Variants in SGIP1 observed in about 807,000 individuals in gnomAD.
SGIP1 encodes SH3-containing GRB2-like protein 3-interacting protein 1.
Under a neutral mutation model 107.5 loss-of-function variants are expected in SGIP1, and 38 were observed. That is an observed-to-expected ratio of 0.35 (90% confidence interval 0.27 to 0.46). The LOEUF (loss-of-function observed/expected upper bound fraction) is 0.46. Among genes scored for constraint, SGIP1 ranks in the 20% least tolerant of loss-of-function variants. The pLI is 1.00. For synonymous variants in SGIP1, 365 were observed against 366.1 expected (o/e 1.00, Z 0.03); for missense variants, 929 against 1,019.5 (o/e 0.91, Z 1.21).
chr1:66,534,063 T>C (rs1003834682), upstream of SGIP1: 5 of 508,576 alleles, frequency 9.8e-6, no homozygotes, highest in Non-Finnish European at 1.8e-5. Context: ...CTGGCTACCA[T>C]GTGACGCGGT....
At chr1:66,698,938 C>T (rs1015968324) in intron 18 of SGIP1, among the ~76,000 whole-genome samples, 14 of 151,542 alleles carry the variant, frequency 9.2e-5, no homozygotes, top group Non-Finnish European at 1.8e-4. Flanking sequence ...AATCTGCTAC[C>T]TTAAGTACTT....
chr1:66,738,889 C>T (rs770957270), intron 21 of SGIP1, among the ~76,000 whole-genome samples: 216 of 152,300 alleles, frequency 1.4e-3, no homozygotes, highest in Middle Eastern at 6.8e-3. Context: ...AAAACACCTC[C>T]TTCAATCTTC....
chr1:66,654,604 A>G (rs1272284239), intron 7 of SGIP1, among the ~76,000 whole-genome samples: 3 of 152,200 alleles, frequency 2.0e-5, no homozygotes, highest in African/African-American at 7.2e-5. Context: ...GCAGCAGTCT[A>G]CAGCAGTAAA....
intron 7 of SGIP1, among the ~76,000 whole-genome samples, chr1:66,657,629 T>C (rs1239457879): frequency 1.3e-5 from 2 of 152,160 alleles, no homozygotes; most frequent in Non-Finnish European, 2.9e-5. Flanking sequence ...TAAGGGTCTA[T>C]GAGTTCCTTG....
intron 5 of SGIP1, 91 bp downstream of exon 5, chr1:66,639,924 G>A (rs994243038): frequency 9.0e-5 from 91 of 1,007,432 alleles, no homozygotes; most frequent in South Asian, 7.5e-4. Context: ...AGAAATAAGC[G>A]AAATGCTCTC....
rs41305642 is a variant in SGIP1, at chr1:66,679,866, T to G, written c.814+114T>G. 0.01 allele frequency: 9,856 copies of G among 967,408 alleles called. 70 individuals carry two copies. Among genetic ancestry groups the G allele is most frequent in the Middle Eastern group, 0.013 (61 of 4,560 alleles). 59.9% of individuals were successfully genotyped at this position (967,408 alleles called of 1,614,324 possible). On this transcript the variant is annotated intron_variant, in intron 14 of 24. Transcript: ENST00000371037. ...AGGCTACACAAAAACATCACAATGT[T>G]GGCATTCAGTTTTGCTTTCATTAGA...
intron 1 of SGIP1, among the ~76,000 whole-genome samples, chr1:66,623,642 TAA>T (rs1267251452): frequency 3.3e-5 from 5 of 152,222 alleles, no homozygotes; most frequent in Non-Finnish European, 7.3e-5. Flanking sequence ...ATTCTATGTA[TAA>T]GTGTATTTCA....
intron 1 of SGIP1, among the ~76,000 whole-genome samples, chr1:66,541,942 GAT>G (rs1474924879): frequency 6.6e-6 from 1 of 152,138 alleles, no homozygotes; most frequent in Non-Finnish European, 1.5e-5. Flanking sequence ...TCTAGTATAT[GAT>G]ACCACATTAG....
intron 24 of SGIP1, 134 bp from the exon 25 acceptor site, chr1:66,742,939 A>T: frequency 1.2e-6 from 1 of 804,056 alleles, no homozygotes; most frequent in Non-Finnish European, 2.0e-6. Flanking sequence ...TGTATCTTTT[A>T]TTCGTATTGT....
At chr1:66,533,872 G>A (rs925612126), upstream of SGIP1, among the ~76,000 whole-genome samples, 1 of 152,068 alleles carries the variant, frequency 6.6e-6, no homozygotes, top group Non-Finnish European at 1.5e-5. Context: ...AACTAATCTC[G>A]GGCACCCAGC....
rs993164795 is a variant in SGIP1 at position 66,707,708 on chromosome 1, T to C, written c.1631-11586T>C. On this transcript the variant is annotated intron_variant, in intron 18 of 24. Coordinates refer to ENST00000371037, the MANE Select transcript of SGIP1 (RefSeq NM_032291.4). ...AGTTGCATAGTCTGGTAGATGACTGTTAATTTTCCAAGAGAGTTGATGAGT... is the reference window on the plus strand; with the variant it reads ...AGTTGCATAGTCTGGTAGATGACTGCTAATTTTCCAAGAGAGTTGATGAGT... Among the ~76,000 whole-genome samples, 6 of 152,318 alleles carry C rather than the reference T, an allele frequency of 3.9e-5. No individual in the cohort carries two copies. The East Asian group carries it at 1.2e-3, about 29-fold the overall frequency.
intron 1 of SGIP1, among the ~76,000 whole-genome samples, chr1:66,575,191 C>T (rs1195464669): frequency 2.0e-5 from 3 of 152,078 alleles, no homozygotes; most frequent in African/African-American, 4.8e-5. Flanking sequence ...GAGATAACAG[C>T]AAATGGTCTT....
At chr1:66,610,427 T>C (rs752779366) in intron 1 of SGIP1, among the ~76,000 whole-genome samples, 1 of 152,218 alleles carries the variant, frequency 6.6e-6, no homozygotes, top group Non-Finnish European at 1.5e-5. Flanking sequence ...TCTGTGTGGC[T>C]GTGGGCCTGT....
intron 1 of SGIP1, among the ~76,000 whole-genome samples, chr1:66,601,639 C>T (rs988659501): frequency 3.3e-5 from 5 of 152,044 alleles, no homozygotes; most frequent in Admixed American, 1.3e-4. Flanking sequence ...ATTTACTTAA[C>T]CCCCACAGTA....
intron 1 of SGIP1, among the ~76,000 whole-genome samples, chr1:66,568,002 CAT>C (rs1468443641): frequency 6.6e-6 from 1 of 152,012 alleles, no homozygotes; most frequent in African/African-American, 2.4e-5. Context: ...TTTTTGGTTC[CAT>C]ATGGAATTTA....
chr1:66,537,407 T>C (rs2147976780), intron 1 of SGIP1, among the ~76,000 whole-genome samples: 1 of 152,292 alleles, frequency 6.6e-6, no homozygotes, highest in South Asian at 2.1e-4. Flanking sequence ...ATTCAAGGAC[T>C]ATTTTTTGAT....
chr1:66,729,527 A>G (rs1485752607), intron 20 of SGIP1, 108 bp downstream of exon 20: 4 of 1,338,292 alleles, frequency 3.0e-6, no homozygotes, highest in African/African-American at 1.5e-5. Flanking sequence ...TGAAATTACC[A>G]CCACTCAGAT....
intron 7 of SGIP1, among the ~76,000 whole-genome samples, chr1:66,653,956 C>A (rs1401529635): frequency 6.6e-6 from 1 of 152,144 alleles, no homozygotes; most frequent in Admixed American, 6.5e-5. Context: ...GAACAGTTTA[C>A]TGAATGTTGG....
chr1:66,625,282 G>A (rs150475870), intron 1 of SGIP1, among the ~76,000 whole-genome samples: 69 of 152,172 alleles, frequency 4.5e-4, no homozygotes, highest in Non-Finnish European at 6.2e-4. Flanking sequence ...AGTAAGGACC[G>A]AACAAGAAAG....
Sources: allele counts gnomAD v4.1 joint callset (sites outside exome capture counted in the v4.1 genomes callset), GRCh38; gene constraint gnomAD v4.1.1; transcripts MANE v1.5; gene names NCBI Gene and HGNC (gene_info 2026-07-23, HGNC 2026-07-21).